ARHGEF1: variants seen among roughly 807,000 people sequenced by gnomAD.
The protein encoded by ARHGEF1 is 115 kDa guanine nucleotide exchange factor.
In ARHGEF1, 40 loss-of-function variants were observed where a neutral mutation model predicts 119.7. The ratio of observed to expected loss-of-function variants is 0.33; its 90% CI spans 0.26 to 0.44. The LOEUF (loss-of-function observed/expected upper bound fraction) is 0.44. Ranked by LOEUF, ARHGEF1 falls within the 20% of genes least tolerant of loss-of-function variation. ARHGEF1 has a pLI of 1.00. For missense variants in ARHGEF1, 976 were observed against 1,268.3 expected (o/e 0.77, Z 3.50); for synonymous variants, 494 against 521.0 (o/e 0.95, Z 0.71).
At chr19:41,900,231 G>A (rs1056355226) in intron 14 of ARHGEF1, among the ~76,000 whole-genome samples, 4 of 152,156 alleles carry the variant, frequency 2.6e-5, no homozygotes, top group Non-Finnish European at 5.9e-5. Context: ...ATACTCGAGA[G>A]AGTAAGCCAG....
upstream of ARHGEF1, among the ~76,000 whole-genome samples, chr19:41,919,026 G>C (rs1352537440): frequency 1.4e-5 from 2 of 148,064 alleles, no homozygotes; most frequent in Non-Finnish European, 3.0e-5. Context: ...CCATGCCACA[G>C]ACACTATACA....
At chr19:41,925,580 G>A (rs1478837479) in intron 1 of ARHGEF1, among the ~76,000 whole-genome samples, 1 of 152,146 alleles carries the variant, frequency 6.6e-6, no homozygotes, top group Non-Finnish European at 1.5e-5. Context: ...AAGGCATAAT[G>A]GCAGGGAAAG....
In ARHGEF1 at chr19:41,906,672, C is replaced by G; in HGVS notation, c.2656-31C>G. ...CTGAGTGGGCTGGGGAAGGAAGGGG[C>G]CCCCCTCATCCATGACCCCCACCCC... On this transcript the variant is annotated intron_variant, in intron 27 of 28. Transcript: ENST00000354532. The surrounding 1 kb of genome is among the most constrained non-coding windows in gnomAD (Gnocchi z 4.5). 1.3e-6 allele frequency: 2 copies of G among 1,595,868 alleles called. No individual in the cohort carries two copies. Among genetic ancestry groups the G allele is most frequent in the Non-Finnish European group, 1.7e-6 (2 of 1,173,456 alleles).
chr19:41,894,436 C>T lies in ARHGEF1; in HGVS notation c.745-15C>T. On this transcript the variant is annotated splice_polypyrimidine_tract_variant and intron_variant, in intron 9 of 28. Coordinates refer to ENST00000354532, the MANE Select transcript of ARHGEF1 (RefSeq NM_004706.4). ...AGAGATGCTTAGCCTGGTCTTCCTC[C>T]CCGCCCTCTCACAGGTGATGGGGAA... is the stretch of plus-strand genomic sequence containing the variant. 1.9e-6 allele frequency: 3 copies of T among 1,544,464 alleles called. No individual in the cohort carries two copies. The East Asian group carries it at 6.8e-5, about 35-fold the overall frequency.
At chr19:41,909,218 C>T, downstream of ARHGEF1, 1 of 1,231,234 alleles carries the variant, frequency 8.1e-7, no homozygotes, top group Non-Finnish European at 1.0e-6. This position sits in a 1 kb window ranked among gnomAD's most constrained non-coding sequence, Gnocchi z 5.2. Flanking sequence ...TCAGACTGTC[C>T]CCTCCCCAGA....
At chr19:41,884,745 C>A (rs1313469833) in intron 1 of ARHGEF1, among the ~76,000 whole-genome samples, 1 of 152,156 alleles carries the variant, frequency 6.6e-6, no homozygotes, top group African/African-American at 2.4e-5. Flanking sequence ...AGACCAGTGG[C>A]ATCCCCTAGA....
rs149949574 is a variant in ARHGEF1, at chr19:41,902,618, C to T, written c.1583C>T (p.Ala528Val). Residue 528 changes from alanine to valine, a missense_variant, in exon 17 of 29, where the codon GCC becomes GTC. By Grantham distance (64) the Ala-to-Val change is moderately conservative (BLOSUM62 0). Around this residue, in one of 3 missense-constraint regions of ARHGEF1, gnomAD observed 286 missense variants for 506.8 expected, o/e 0.56. Coordinates refer to ENST00000354532, the MANE Select transcript of ARHGEF1 (RefSeq NM_004706.4). The surrounding 1 kb of genome is among the most constrained non-coding windows in gnomAD (Gnocchi z 6.5). ...RQSFALEQLK[A>V]KQRKDPRFCA... is the part of the protein sequence containing the mutation. ...TCATTTGCCTTAGAGCAGCTCAAAG[C>T]CAAGCAACGCAAGGACCCTCGGTTC... The T allele has an allele frequency of 1.6e-5, 26 of 1,614,094 alleles. No homozygotes were observed. In the African/African-American group the frequency reaches 2.9e-4, roughly 18 times the overall value.
At position 41,903,845 on chromosome 19, in the gene ARHGEF1, A is replaced by G; in HGVS notation, c.1917+61A>G. ...ACTCCTTGGCCCAGGGGATTCTGTG[A>G]TACAGCCCCCAGCCTGTCCTGCCCA... On this transcript the variant is annotated intron_variant, in intron 20 of 28. Transcript: ENST00000354532. The surrounding 1 kb of genome is among the most constrained non-coding windows in gnomAD (Gnocchi z 4.2). The G allele has an allele frequency of 6.5e-7, 1 of 1,545,632 alleles. No individual in the cohort carries two copies. The highest frequency in any genetic ancestry group is 8.9e-7 in the Non-Finnish European group (1 of 1,125,640).
At chr19:41,886,654 A>G (rs559248385) in intron 1 of ARHGEF1, among the ~76,000 whole-genome samples, 7 of 152,370 alleles carry the variant, frequency 4.6e-5, no homozygotes, top group Admixed American at 2.6e-4. Context: ...ATATTGGACA[A>G]TACACTTTGT....
rs1285386935 is a variant in ARHGEF1 at position 41,907,222 on chromosome 19, C to T, written c.*135C>T. On this transcript the variant is annotated 3_prime_UTR_variant, in exon 29 of 29. Transcript: ENST00000354532. ...GAGGAGAGGGAGCTGTGGGCCACGC[C>T]TGGGAGGGGCCCAGCTGGGGTTACT... 6.6e-7 allele frequency: 1 copy of T among 1,519,904 alleles called. No homozygotes were observed. Among genetic ancestry groups the T allele is most frequent in the Non-Finnish European group, 8.8e-7 (1 of 1,138,830 alleles). The allele number at this position is 1,519,904 out of a possible 1,614,324, so 94.2% of individuals were successfully genotyped here.
chr19:41,929,901 G>A (rs1471601628), exon 3 of ARHGEF1: 1 of 152,142 alleles, frequency 6.6e-6, no homozygotes, highest in Non-Finnish European at 1.5e-5. Flanking sequence ...TGACAGAGAA[G>A]GTTCAGCCTC....
chr19:41,909,012 A>G (rs2074736785), downstream of ARHGEF1: 12 of 1,108,976 alleles, frequency 1.1e-5, no homozygotes, highest in Non-Finnish European at 1.4e-5. The surrounding 1 kb of genome is among the most constrained non-coding windows in gnomAD (Gnocchi z 5.2). Context: ...TCAAGCCTGC[A>G]GCTTCTCCCA....
intron 1 of ARHGEF1, among the ~76,000 whole-genome samples, chr19:41,925,248 A>G (rs986330780): frequency 3.9e-5 from 6 of 152,168 alleles, no homozygotes; most frequent in Middle Eastern, 6.8e-3. Flanking sequence ...ACAGGTGAGG[A>G]ATGGCAGGTG....
intron 18 of ARHGEF1, chr19:41,912,884 G>A: frequency 1.6e-6 from 2 of 1,231,568 alleles, no homozygotes; most frequent in Non-Finnish European, 2.0e-6. Flanking sequence ...GGGCGGGCGG[G>A]GCGAAGAGAA....
intron 1 of ARHGEF1, among the ~76,000 whole-genome samples, chr19:41,923,561 CA>C (rs2074853569): frequency 7.0e-6 from 1 of 142,164 alleles, no homozygotes; most frequent in Non-Finnish European, 1.5e-5. Flanking sequence ...TGGACAGGGA[CA>C]AGGAGACAGG....
At position 41,903,703 on chromosome 19, in the gene ARHGEF1, C is replaced by T. The variant is rs1555849518; in HGVS notation, c.1840-4C>T. 1.2e-6 allele frequency: 2 copies of T among 1,612,408 alleles called. No individual in the cohort carries two copies. The highest frequency in any genetic ancestry group is 1.7e-5 in the Admixed American group (1 of 60,002). ...TCCCCATAATGCTCCCGTCTCTGCC[C>T]CAGAGGCTCAAGGACTATCAGCGGC... On this transcript the variant is annotated splice_region_variant and splice_polypyrimidine_tract_variant and intron_variant, in intron 19 of 28. Transcript: ENST00000354532. This position sits in a 1 kb window ranked among gnomAD's most constrained non-coding sequence, Gnocchi z 4.2.
chr19:41,919,207 C>A (rs2074822873), upstream of ARHGEF1, among the ~76,000 whole-genome samples: 1 of 152,074 alleles, frequency 6.6e-6, no homozygotes, highest in Non-Finnish European at 1.5e-5. Context: ...CACATGGACA[C>A]ACACAAAACC....
At chr19:41,924,569 G>T (rs782475237) in intron 1 of ARHGEF1, among the ~76,000 whole-genome samples, 1 of 151,484 alleles carries the variant, frequency 6.6e-6, no homozygotes. Flanking sequence ...GGGAGGGTAG[G>T]TGTTATGTGG....
At chr19:41,899,077 T>C (rs971500194) in intron 14 of ARHGEF1, among the ~76,000 whole-genome samples, 4 of 151,724 alleles carry the variant, frequency 2.6e-5, no homozygotes, top group African/African-American at 9.7e-5. Context: ...ACTGCAGCCT[T>C]ACCCTCCCAG....
Sources: gnomAD v4.1 joint callset for allele counts (sites outside exome capture counted in the v4.1 genomes callset) on GRCh38, gnomAD v4.1.1 for gene constraint, gnomAD v4.1.1 regional missense constraint, Gnocchi (gnomAD v3.1) non-coding constraint, MANE v1.5 for transcripts, NCBI Gene and HGNC (gene_info 2026-07-23, HGNC 2026-07-21) for gene names.